SEMA3E: variants seen among roughly 807,000 people sequenced by gnomAD.
SEMA3E encodes semaphorin 3E.
Under a neutral mutation model 93.6 loss-of-function variants are expected in SEMA3E, and 49 were observed. That is an observed-to-expected ratio of 0.52 (90% confidence interval 0.42 to 0.66). SEMA3E has a LOEUF of 0.66. Among genes scored for constraint, SEMA3E ranks in the 30% least tolerant of loss-of-function variants. The probability of loss-of-function intolerance (pLI) is 0.00; values close to 1 mark genes in which losing one functional copy is unlikely to be tolerated. For synonymous variants in SEMA3E, 363 were observed against 330.7 expected, an observed-to-expected ratio of 1.10 and a Z score of -1.06; for missense variants, 906 against 964.8, an observed-to-expected ratio of 0.94 and a Z score of 0.81.
intron 1 of SEMA3E, among the ~76,000 whole-genome samples, chr7:83,547,523 G>A (rs1791677061): frequency 6.6e-6 from 1 of 152,074 alleles, no homozygotes; most frequent in African/African-American, 2.4e-5. Context: ...ACATTTCACA[G>A]CCTAAATAAG....
chr7:83,466,634 A>G (rs1789764837), intron 3 of SEMA3E, 33 bp from the exon 4 acceptor site: 2 of 1,609,842 alleles, frequency 1.2e-6, no homozygotes. Context: ...GGAATCTATC[A>G]GTATAATAAA....
intron 1 of SEMA3E, among the ~76,000 whole-genome samples, chr7:83,516,314 A>G (rs1790928007): frequency 6.6e-6 from 1 of 152,348 alleles, no homozygotes; most frequent in East Asian, 1.9e-4. Flanking sequence ...ACAGGCATTT[A>G]GACAATCACA....
At chr7:83,389,958 A>ACGTATACACATATATACGCGTATATAT (rs747978535) in intron 14 of SEMA3E, among the ~76,000 whole-genome samples, 6 of 38,288 alleles carry the variant, frequency 1.6e-4, no homozygotes, top group Non-Finnish European at 3.8e-4. Flanking sequence ...ATATGTGTAT[A>ACGTATACACATATATACGCGTATATAT]GTGTATACGT....
chr7:83,432,877 T>C (rs1468461669), intron 4 of SEMA3E, among the ~76,000 whole-genome samples: 1 of 152,156 alleles, frequency 6.6e-6, no homozygotes, highest in Non-Finnish European at 1.5e-5. Flanking sequence ...AAATAATTTA[T>C]AGTACAGTCA....
intron 1 of SEMA3E, among the ~76,000 whole-genome samples, chr7:83,560,554 C>G (rs1792010425): frequency 6.6e-6 from 1 of 152,010 alleles, no homozygotes; most frequent in Non-Finnish European, 1.5e-5. Context: ...TGTTTTGCAT[C>G]TATTTGTAAA....
chr7:83,567,567 CA>C (rs1037940961), intron 1 of SEMA3E, among the ~76,000 whole-genome samples: 3 of 151,736 alleles, frequency 2.0e-5, no homozygotes, highest in Non-Finnish European at 4.4e-5. Flanking sequence ...CTTCTGAGAT[CA>C]AAATGGAATA....
chr7:83,444,902 C>T (rs1789193083), intron 4 of SEMA3E, among the ~76,000 whole-genome samples: 1 of 152,114 alleles, frequency 6.6e-6, no homozygotes, highest in Non-Finnish European at 1.5e-5. Flanking sequence ...AACTCCTGAC[C>T]TCAGGTGATG....
intron 1 of SEMA3E, among the ~76,000 whole-genome samples, chr7:83,561,619 C>T (rs758489317): frequency 2.0e-5 from 3 of 152,038 alleles, no homozygotes; most frequent in South Asian, 2.1e-4. Context: ...TAATCTCATG[C>T]GCTCTCATAG....
At chr7:83,594,383 C>T (rs548736700) in intron 1 of SEMA3E, among the ~76,000 whole-genome samples, 1 of 151,998 alleles carries the variant, frequency 6.6e-6, no homozygotes, top group Non-Finnish European at 1.5e-5. Flanking sequence ...GGGAAATATG[C>T]CAAATATATG....
chr7:83,475,547 C>T (rs558536414), intron 2 of SEMA3E, among the ~76,000 whole-genome samples: 1 of 152,242 alleles, frequency 6.6e-6, no homozygotes, highest in East Asian at 1.9e-4. Flanking sequence ...AGGTGTGACA[C>T]GTATCCACTG....
intron 1 of SEMA3E, among the ~76,000 whole-genome samples, chr7:83,532,756 T>C (rs12155082): frequency 0.53 from 79,607 of 151,042 alleles, 23,330 homozygotes; most frequent in Middle Eastern, 0.69. Flanking sequence ...TGAGATATAA[T>C]CTGACTGAAA....
chr7:83,476,354 C>T (rs931436994), intron 2 of SEMA3E, among the ~76,000 whole-genome samples: 12 of 151,996 alleles, frequency 7.9e-5, no homozygotes, highest in African/African-American at 2.9e-4. Flanking sequence ...AGCAATAACC[C>T]CGGCTCTGAA....
At chr7:83,425,181 T>C (rs554515607) in intron 4 of SEMA3E, among the ~76,000 whole-genome samples, 3 of 152,128 alleles carry the variant, frequency 2.0e-5, no homozygotes, top group African/African-American at 7.2e-5. Context: ...GAGGTGTCTG[T>C]TTTACTTTCT....
intron 5 of SEMA3E, among the ~76,000 whole-genome samples, chr7:83,413,199 G>A (rs1168036456): frequency 1.3e-5 from 2 of 151,952 alleles, no homozygotes; most frequent in African/African-American, 4.8e-5. Context: ...TTTATGGAAC[G>A]TATCAAGAGT....
intron 3 of SEMA3E, among the ~76,000 whole-genome samples, chr7:83,466,932 A>G (rs1401009719): frequency 6.6e-6 from 1 of 152,212 alleles, no homozygotes; most frequent in African/African-American, 2.4e-5. Flanking sequence ...AATATGTTCC[A>G]CTAAGTAATT....
At chr7:83,604,820 T>C (rs1793077517) in intron 1 of SEMA3E, among the ~76,000 whole-genome samples, 1 of 152,004 alleles carries the variant, frequency 6.6e-6, no homozygotes. Flanking sequence ...GTGTGTGTCG[T>C]TCCCCTCCCT....
intron 1 of SEMA3E, among the ~76,000 whole-genome samples, chr7:83,505,563 A>G (rs577407537): frequency 2.4e-4 from 37 of 152,312 alleles, no homozygotes; most frequent in Admixed American, 6.5e-4. Context: ...CTCTCACTTC[A>G]TAAACTATTG....
intron 4 of SEMA3E, among the ~76,000 whole-genome samples, chr7:83,432,813 CAT>C (rs1332695224): frequency 6.6e-6 from 1 of 152,088 alleles, no homozygotes. Context: ...TTACCAGCCA[CAT>C]GTGTGGAACA....
At chr7:83,412,250 G>T (rs562947607) in intron 5 of SEMA3E, among the ~76,000 whole-genome samples, 48 of 152,008 alleles carry the variant, frequency 3.2e-4, no homozygotes, top group African/African-American at 1.2e-3. Context: ...TGTAGCTCTG[G>T]TACCTATTTC....
Sources: gnomAD v4.1 joint callset for allele counts (sites outside exome capture counted in the v4.1 genomes callset) on GRCh38, gnomAD v4.1.1 for gene constraint, MANE v1.5 for transcripts, NCBI Gene and HGNC (gene_info 2026-07-23, HGNC 2026-07-21) for gene names.